The following PPFIA2 variants were observed in gnomAD, a reference collection of about 807,000 sequenced individuals.
PPFIA2 encodes the protein PPFI scaffold protein A2.
A neutral mutation model predicts 175.5 loss-of-function variants in PPFIA2; 46 were observed. The ratio of observed to expected loss-of-function variants is 0.26; its 90% CI spans 0.21 to 0.34. The LOEUF (loss-of-function observed/expected upper bound fraction) is 0.34, where lower values mean the gene tolerates loss of function less well. Ranked by LOEUF, PPFIA2 falls within the 10% of genes least tolerant of loss-of-function variation. PPFIA2 has a pLI of 1.00. For missense variants in PPFIA2, 1,179 were observed against 1,506.1 expected (o/e 0.78, Z 3.60); for synonymous variants, 568 against 511.4 (o/e 1.11, Z -1.49).
chr12:81,611,704 T>A (rs2060929205), intron 4 of PPFIA2, among the ~76,000 whole-genome samples: 1 of 152,120 alleles, frequency 6.6e-6, no homozygotes, highest in Non-Finnish European at 1.5e-5. Context: ...CTGGGGCCAA[T>A]GCCTCTGGGG....
At chr12:81,394,749 A>T (rs1316958207) in intron 8 of PPFIA2, among the ~76,000 whole-genome samples, 1 of 151,536 alleles carries the variant, frequency 6.6e-6, no homozygotes, top group Non-Finnish European at 1.5e-5. Context: ...GCAGCAAACC[A>T]CCATGGCACA....
intron 3 of PPFIA2, among the ~76,000 whole-genome samples, chr12:81,714,951 A>C (rs1009161464): frequency 3.3e-5 from 5 of 150,988 alleles, no homozygotes; most frequent in Non-Finnish European, 7.4e-5. Flanking sequence ...CATTTCGAGG[A>C]GGTAGTGGTA....
At chr12:81,443,387 A>C (rs2050590954) in intron 6 of PPFIA2, among the ~76,000 whole-genome samples, 1 of 152,130 alleles carries the variant, frequency 6.6e-6, no homozygotes, top group Non-Finnish European at 1.5e-5. Flanking sequence ...CCCTGAACTC[A>C]CCAATGTTCA....
chr12:81,676,725 C>A, intron 4 of PPFIA2, 66 bp downstream of exon 4: 1 of 1,131,870 alleles, frequency 8.8e-7, no homozygotes. Flanking sequence ...AAGCAATCAA[C>A]TGATAATCTG....
At chr12:81,632,544 A>C (rs1032085910) in intron 4 of PPFIA2, among the ~76,000 whole-genome samples, 1 of 152,196 alleles carries the variant, frequency 6.6e-6, no homozygotes, top group African/African-American at 2.4e-5. Context: ...TACATGTAAT[A>C]GTTTGAATGA....
chr12:81,683,165 A>T (rs1014552165), intron 3 of PPFIA2, among the ~76,000 whole-genome samples: 6 of 152,010 alleles, frequency 3.9e-5, no homozygotes, highest in Non-Finnish European at 8.8e-5. Context: ...CATCCCAGTG[A>T]TTGCCATCTT....
At chr12:81,681,099 A>G (rs1290589432) in intron 3 of PPFIA2, among the ~76,000 whole-genome samples, 1 of 152,006 alleles carries the variant, frequency 6.6e-6, no homozygotes, top group Non-Finnish European at 1.5e-5. Context: ...TATCACTCGA[A>G]TCTGTAGAAG....
chr12:81,533,975 T>C (rs965451664), intron 4 of PPFIA2, among the ~76,000 whole-genome samples: 2 of 151,714 alleles, frequency 1.3e-5, no homozygotes, highest in South Asian at 4.1e-4. Context: ...CACAATAGAA[T>C]ACAATTTGGC....
At chr12:81,509,973 A>G (rs2061597537) in intron 4 of PPFIA2, among the ~76,000 whole-genome samples, 2 of 152,120 alleles carry the variant, frequency 1.3e-5, no homozygotes, top group Admixed American at 6.6e-5. Flanking sequence ...AAGAACACAC[A>G]CCAAAGATAA....
intron 3 of PPFIA2, among the ~76,000 whole-genome samples, chr12:81,722,298 C>G (rs753453334): frequency 6.6e-6 from 1 of 150,976 alleles, no homozygotes; most frequent in Non-Finnish European, 1.5e-5. Context: ...CAGTGTATGA[C>G]AATCATCATT....
intron 4 of PPFIA2, among the ~76,000 whole-genome samples, chr12:81,598,639 CTT>C (rs376627014): frequency 2.7e-4 from 40 of 145,600 alleles, no homozygotes; most frequent in African/African-American, 6.0e-4. Context: ...TTTACAAAGC[CTT>C]TTTTTTTTTA....
chr12:81,417,931 G>C (rs755327654), intron 7 of PPFIA2, among the ~76,000 whole-genome samples: 4 of 151,668 alleles, frequency 2.6e-5, no homozygotes, highest in Non-Finnish European at 5.9e-5. Flanking sequence ...ACCTTTAAAG[G>C]AGATGGATAG....
At chr12:81,534,015 G>A (rs1237671953) in intron 4 of PPFIA2, among the ~76,000 whole-genome samples, 2 of 151,532 alleles carry the variant, frequency 1.3e-5, no homozygotes, top group Non-Finnish European at 3.0e-5. Context: ...GTCATTTACA[G>A]CAACATGGAT....
chr12:81,297,511 G>T (rs1309488461), intron 23 of PPFIA2, among the ~76,000 whole-genome samples: 3 of 152,190 alleles, frequency 2.0e-5, no homozygotes, highest in African/African-American at 7.2e-5. Flanking sequence ...TGACTGTACA[G>T]ATTATGCTTT....
intron 22 of PPFIA2, chr12:81,311,900 A>G: frequency 2.0e-6 from 1 of 504,612 alleles, no homozygotes; most frequent in Middle Eastern, 5.4e-4. Context: ...GAAGGAGTCT[A>G]GAATGTCTTT....
intron 3 of PPFIA2, among the ~76,000 whole-genome samples, chr12:81,720,793 G>A (rs1164579165): frequency 1.3e-5 from 2 of 151,248 alleles, no homozygotes; most frequent in African/African-American, 2.4e-5. Flanking sequence ...TTGTGACTGA[G>A]CTGACTTGTA....
chr12:81,308,136 T>C (rs142835359), intron 22 of PPFIA2, among the ~76,000 whole-genome samples: 5 of 152,276 alleles, frequency 3.3e-5, no homozygotes, highest in African/African-American at 1.2e-4. Flanking sequence ...ATACAGTAAG[T>C]GCTATAATTG....
intron 4 of PPFIA2, among the ~76,000 whole-genome samples, chr12:81,481,866 G>C (rs768975636): frequency 1.3e-5 from 2 of 152,058 alleles, no homozygotes; most frequent in African/African-American, 4.8e-5. Flanking sequence ...AAAAGCAAGG[G>C]CAACAAAAGC....
chr12:81,461,736 C>T (rs1196163967), intron 4 of PPFIA2, among the ~76,000 whole-genome samples: 1 of 152,056 alleles, frequency 6.6e-6, no homozygotes, highest in Non-Finnish European at 1.5e-5. Flanking sequence ...TCCATTTCTA[C>T]CTTTTCATTT....
Sources: gnomAD v4.1 joint callset for allele counts (sites outside exome capture counted in the v4.1 genomes callset) on GRCh38, gnomAD v4.1.1 for gene constraint, MANE v1.5 for transcripts, NCBI Gene and HGNC (gene_info 2026-07-23, HGNC 2026-07-21) for gene names.